CSNK2A1: variants seen among roughly 807,000 people sequenced by gnomAD.
The protein encoded by CSNK2A1 is casein kinase II subunit alpha.
A neutral mutation model predicts 62.9 loss-of-function variants in CSNK2A1; 10 were observed. The ratio of observed to expected loss-of-function variants is 0.16; its 90% CI spans 0.10 to 0.27. CSNK2A1 has a LOEUF of 0.27. CSNK2A1 is among the 10% of genes least tolerant of loss of function. The pLI is 1.00. For synonymous variants in CSNK2A1, 124 were observed against 167.8 expected (o/e 0.74, Z 2.02); for missense variants, 160 against 492.0 (o/e 0.33, Z 6.38).
At chr20:487,406 G>A (rs1290938191) in intron 12 of CSNK2A1, 21 bp downstream of exon 12, 1 of 1,612,876 alleles carries the variant, frequency 6.2e-7, no homozygotes, top group African/African-American at 1.3e-5. Context: ...CAAACTCTGT[G>A]GGCTAGATAT....
chr20:475,696 G>T lies in CSNK2A1; in HGVS notation c.*8265C>A, dbSNP rs2017836345. On this transcript the variant is annotated 3_prime_UTR_variant, in exon 14 of 14. Transcript: ENST00000217244. Reference sequence around the variant, plus strand: ...TATGCTTCCCTACTGCACTGATGTTGGGCTTGGCTATGTGATTTGCTTTCG... The same window carrying T: ...TATGCTTCCCTACTGCACTGATGTTTGGCTTGGCTATGTGATTTGCTTTCG... 1 of 152,094 alleles carries T rather than the reference G, an allele frequency of 6.6e-6. No homozygotes were observed. The highest frequency in any genetic ancestry group is 1.5e-5 in the Non-Finnish European group (1 of 68,042). 9.4% of individuals were successfully genotyped at this position (152,094 alleles called of 1,614,324 possible).
intron 2 of CSNK2A1, among the ~76,000 whole-genome samples, chr20:519,551 CA>C: frequency 1.3e-5 from 2 of 151,918 alleles, no homozygotes; most frequent in African/African-American, 4.8e-5. Flanking sequence ...TTGTCTCAAA[CA>C]AAAACAAAAA....
rs1213095696 is a variant in CSNK2A1 at position 475,689 on chromosome 20, T to C, written c.*8272A>G. The C allele has an allele frequency of 6.6e-6, 1 of 152,166 alleles. No individual in the cohort carries two copies. The highest frequency in any genetic ancestry group is 1.5e-5 in the Non-Finnish European group (1 of 68,058). 9.4% of individuals were successfully genotyped at this position (152,166 alleles called of 1,614,324 possible). A position where few individuals can be genotyped will look rare whatever the true frequency, so the allele number is the denominator to read the frequency against. On this transcript the variant is annotated 3_prime_UTR_variant, in exon 14 of 14. Coordinates refer to ENST00000217244, the MANE Select transcript of CSNK2A1 (RefSeq NM_177559.3). ...CAGGCTCTATGCTTCCCTACTGCAC[T>C]GATGTTGGGCTTGGCTATGTGATTT...
chr20:540,115 C>T (rs901695828), intron 1 of CSNK2A1: 2 of 152,214 alleles, frequency 1.3e-5, no homozygotes, highest in African/African-American at 2.4e-5. Context: ...AAAAGCAACA[C>T]ATTCACATGT....
At chr20:519,339 A>C (rs2018895570) in intron 2 of CSNK2A1, among the ~76,000 whole-genome samples, 1 of 152,246 alleles carries the variant, frequency 6.6e-6, no homozygotes. Context: ...GACACAATCA[A>C]ATTCCAGAAG....
In CSNK2A1 at chr20:499,588, T is replaced by C. The variant is rs943223909; in HGVS notation, c.315+245A>G. ...CGGCATCGGACCTGAGTTTGCAAAA[T>C]GGATTAACACATTTCAGTTTCCAGT... On this transcript the variant is annotated intron_variant, in intron 5 of 13. Transcript: ENST00000217244. The surrounding 1 kb of genome is among the most constrained non-coding windows in gnomAD (Gnocchi z 4.2). 1.3e-5 allele frequency: 7 copies of C among 557,230 alleles called. No homozygotes were observed. The highest frequency in any genetic ancestry group is 1.9e-5 in the Non-Finnish European group (6 of 319,462). 34.5% of individuals were successfully genotyped at this position (557,230 alleles called of 1,614,324 possible).
chr20:484,876 G>A (rs1289139165), intron 13 of CSNK2A1, among the ~76,000 whole-genome samples: 1 of 151,018 alleles, frequency 6.6e-6, no homozygotes, highest in Non-Finnish European at 1.5e-5. Context: ...AGACCAGCCT[G>A]GCCAACATGG....
At chr20:542,442 T>C (rs1846850534) in intron 1 of CSNK2A1, among the ~76,000 whole-genome samples, 1 of 152,208 alleles carries the variant, frequency 6.6e-6, no homozygotes, top group African/African-American at 2.4e-5. Context: ...TAGTTTTCTT[T>C]TTTCTTTTTG....
chr20:485,107 A>ATTT (rs1568496519), intron 13 of CSNK2A1, among the ~76,000 whole-genome samples: 3 of 17,722 alleles, frequency 1.7e-4, no homozygotes, highest in South Asian at 5.3e-3. Flanking sequence ...AAAAAAAAAA[A>ATTT]AAATATATAT....
At chr20:512,125 G>A (rs140488909) in intron 2 of CSNK2A1, among the ~76,000 whole-genome samples, 1 of 152,124 alleles carries the variant, frequency 6.6e-6, no homozygotes, top group East Asian at 1.9e-4. Flanking sequence ...CTGGCCTCAA[G>A]GGATCCTCCC....
At chr20:535,207 A>G (rs531100856) in intron 1 of CSNK2A1, among the ~76,000 whole-genome samples, 9 of 152,100 alleles carry the variant, frequency 5.9e-5, no homozygotes, top group African/African-American at 1.7e-4. Flanking sequence ...AAAATTAACA[A>G]CTACCCACAA....
chr20:519,236 C>T (rs1276317340), intron 2 of CSNK2A1, among the ~76,000 whole-genome samples: 1 of 152,144 alleles, frequency 6.6e-6, no homozygotes, highest in Non-Finnish European at 1.5e-5. Flanking sequence ...CCGTGCCCAG[C>T]CAGTTTGATA....
At chr20:485,271 C>A (rs928338546) in intron 13 of CSNK2A1, among the ~76,000 whole-genome samples, 3 of 150,942 alleles carry the variant, frequency 2.0e-5, no homozygotes, top group Non-Finnish European at 3.0e-5. Context: ...GCAACCTCTG[C>A]CTCCCAAGTT....
chr20:521,372 T>C (rs1441503242), intron 2 of CSNK2A1, among the ~76,000 whole-genome samples: 1 of 152,174 alleles, frequency 6.6e-6, no homozygotes, highest in African/African-American at 2.4e-5. Flanking sequence ...TACAGATTTA[T>C]TAAAATGGCT....
intron 8 of CSNK2A1, chr20:494,823 C>T (rs1197984547): frequency 1.3e-5 from 2 of 152,204 alleles, no homozygotes; most frequent in Non-Finnish European, 2.9e-5. Context: ...ATATCCTTAC[C>T]TGAAGGGCTT....
chr20:497,818 G>T, intron 6 of CSNK2A1, 38 bp from the exon 7 acceptor site: 1 of 1,579,580 alleles, frequency 6.3e-7, no homozygotes, highest in Non-Finnish European at 8.7e-7. Flanking sequence ...AAATAATGCT[G>T]ACAGAAAGGC....
rs1165454999 is a variant in CSNK2A1, at chr20:499,536, C to T, written c.316-231G>A. 3.6e-6 allele frequency: 2 copies of T among 554,658 alleles called. No individual in the cohort carries two copies. The highest frequency in any genetic ancestry group is 3.4e-5 in the Admixed American group (1 of 29,226). 34.4% of individuals were successfully genotyped at this position (554,658 alleles called of 1,614,324 possible). Reference sequence around the variant, plus strand: ...AGCTGAAGTCTCACCAGGCTCTAGGCAGCCCGACAATGCGCCCATCGCCCA... The same window carrying T: ...AGCTGAAGTCTCACCAGGCTCTAGGTAGCCCGACAATGCGCCCATCGCCCA... On this transcript the variant is annotated intron_variant, in intron 5 of 13. Transcript: ENST00000217244. This position sits in a 1 kb window ranked among gnomAD's most constrained non-coding sequence, Gnocchi z 4.2.
intron 6 of CSNK2A1, chr20:498,091 C>T (rs1568515659): frequency 4.1e-6 from 1 of 246,016 alleles, no homozygotes; most frequent in East Asian, 1.1e-4. Context: ...CATGTATCTT[C>T]AGACCTTCTC....
chr20:505,185 T>C lies in CSNK2A1; in HGVS notation c.146A>G (p.Lys49Arg). Residue 49 changes from lysine to arginine, a missense_variant, in exon 4 of 14, where the codon AAA (lysine) becomes AGA (arginine). This residue lies in a region of CSNK2A1 where 94 missense variants were observed against 357.6 expected (regional missense o/e 0.26). Coordinates refer to ENST00000217244, the MANE Select transcript of CSNK2A1 (RefSeq NM_177559.3). ...GATGGCTTCAAATACTTCACTGTAT[T>C]TACCTCGGCCTAATTTTCGAACCAG... ...YQLVRKLGRG[K>R]YSEVFEAINI... 1 of 1,613,834 alleles carries C rather than the reference T, an allele frequency of 6.2e-7. No individual in the cohort carries two copies. The highest frequency in any genetic ancestry group is 8.5e-7 in the Non-Finnish European group (1 of 1,179,954).
Sources: gnomAD v4.1 joint callset for allele counts (sites outside exome capture counted in the v4.1 genomes callset) on GRCh38, gnomAD v4.1.1 for gene constraint, gnomAD v4.1.1 regional missense constraint, Gnocchi (gnomAD v3.1) non-coding constraint, MANE v1.5 for transcripts, NCBI Gene and HGNC (gene_info 2026-07-23, HGNC 2026-07-21) for gene names.